Variants in SPATA3 observed in about 807,000 individuals in gnomAD.
SPATA3 encodes spermatogenesis-associated protein 3.
In SPATA3, 6 loss-of-function variants were observed where a neutral mutation model predicts 5.7. That is an observed-to-expected ratio of 1.06 (90% CI 0.58 to 2.09). The LOEUF (loss-of-function observed/expected upper bound fraction) is 2.09, where lower values mean the gene tolerates loss of function less well. Among genes scored for constraint, SPATA3 ranks in the 30% most tolerant of loss-of-function variants. The pLI is 0.00. For missense variants in SPATA3, 155 were observed against 130.4 expected (o/e 1.19, Z -0.92); for synonymous variants, 44 against 48.4 (o/e 0.91, Z 0.37).
downstream of SPATA3, among the ~76,000 whole-genome samples, chr2:231,005,531 AT>A: frequency 7.5e-6 from 1 of 133,568 alleles, no homozygotes. Flanking sequence ...CACCACCACC[AT>A]CATCACCACC....
At chr2:231,014,363 C>T (rs1692873379) in intron 6 of SPATA3, among the ~76,000 whole-genome samples, 1 of 152,304 alleles carries the variant, frequency 6.6e-6, no homozygotes, top group South Asian at 2.1e-4. Context: ...TGCTATGTTT[C>T]AGTTAGAGGA....
At chr2:231,000,477 T>C (rs1235556984) in exon 2 of SPATA3, 8 of 1,550,176 alleles carry the variant, frequency 5.2e-6, no homozygotes, top group Middle Eastern at 3.3e-4. Flanking sequence ...GATGTCCTTC[T>C]GCCTCGGGAC....
At chr2:230,998,361 G>A (rs1574655380) in intron 1 of SPATA3, among the ~76,000 whole-genome samples, 1 of 152,228 alleles carries the variant, frequency 6.6e-6, no homozygotes, top group Non-Finnish European at 1.5e-5. Flanking sequence ...GCCAGTGAGA[G>A]AAACATTTCT....
At chr2:230,999,318 CA>C (rs1692257943) in intron 1 of SPATA3, among the ~76,000 whole-genome samples, 1 of 151,868 alleles carries the variant, frequency 6.6e-6, no homozygotes, top group African/African-American at 2.4e-5. Context: ...GTGATGGCCA[CA>C]AAACTTTGTG....
chr2:230,996,624 G>A, intron 1 of SPATA3, 90 bp downstream of exon 1: 1 of 1,443,476 alleles, frequency 6.9e-7, no homozygotes, highest in Non-Finnish European at 9.3e-7. Context: ...GGATAGTGAT[G>A]CATGGTTAAC....
chr2:231,017,512 G>C (rs539086062), intron 6 of SPATA3, among the ~76,000 whole-genome samples: 19 of 152,332 alleles, frequency 1.2e-4, no homozygotes, highest in African/African-American at 4.3e-4. Flanking sequence ...ACTGGGCCCC[G>C]GGGAACTGGG....
chr2:231,002,720 G>A lies in SPATA3; in HGVS notation c.999G>A (p.Ala333=), dbSNP rs150171511. The A allele has an allele frequency of 1.5e-3, 2,221 of 1,530,846 alleles. 3 individuals are homozygous for A. The highest frequency in any genetic ancestry group is 2.5e-3 in the Middle Eastern group (15 of 5,930). 94.8% of individuals were successfully genotyped at this position (1,530,846 alleles called of 1,614,324 possible). The change falls in exon 3 of 3, where the codon GCG becomes GCA. Residue 333 remains alanine, a synonymous_variant. Transcript: ENST00000645363. ...GAAAACCCTCCAGTCATCGTAACGCGTGTCCTCCAAGCCCTCGGAACTGTG... is the reference window on the plus strand; with the variant it reads ...GAAAACCCTCCAGTCATCGTAACGCATGTCCTCCAAGCCCTCGGAACTGTG...
intron 1 of SPATA3, among the ~76,000 whole-genome samples, chr2:230,997,426 T>A (rs1042587582): frequency 6.6e-6 from 1 of 152,192 alleles, no homozygotes; most frequent in Admixed American, 6.5e-5. Context: ...TATGTCTTTA[T>A]CAGCAGTGTG....
downstream of SPATA3, among the ~76,000 whole-genome samples, chr2:231,005,546 A>C (rs1408528549): frequency 7.1e-6 from 1 of 139,862 alleles, no homozygotes; most frequent in Non-Finnish European, 1.6e-5. Context: ...CACCACCATC[A>C]TCACCACCAC....
chr2:230,996,659 A>G (rs1692135660), intron 1 of SPATA3, 125 bp downstream of exon 1: 1 of 1,277,788 alleles, frequency 7.8e-7, no homozygotes, highest in South Asian at 1.6e-5. Context: ...TGTGCTGTAG[A>G]GTGGGAAGGT....
chr2:230,996,718 T>C (rs1181331593), intron 1 of SPATA3, among the ~76,000 whole-genome samples, 184 bp downstream of exon 1: 1 of 152,222 alleles, frequency 6.6e-6, no homozygotes, highest in Non-Finnish European at 1.5e-5. Flanking sequence ...GGTTTTGTCA[T>C]TTCTCATCAT....
chr2:231,014,302 CT>C (rs1692872152), intron 6 of SPATA3: 2 of 152,258 alleles, frequency 1.3e-5, no homozygotes, highest in South Asian at 4.1e-4. Flanking sequence ...GATCATAAGC[CT>C]TTGTTTATAA....
In SPATA3 at chr2:231,002,568, G is replaced by A. The variant is rs1209043017; in HGVS notation, c.963-116G>A. 19 of 553,990 alleles carry A rather than the reference G, an allele frequency of 3.4e-5. No individual in the cohort carries two copies. In the East Asian group the frequency reaches 6.3e-4, roughly 19 times the overall value. 34.3% of individuals were successfully genotyped at this position (553,990 alleles called of 1,614,324 possible). Reference sequence around the variant, plus strand: ...TCTCCTAAGAGGAGTTTGGAGAGGGGGAAGATGGGTATTCCTGCAATCCTG... The same window carrying A: ...TCTCCTAAGAGGAGTTTGGAGAGGGAGAAGATGGGTATTCCTGCAATCCTG... On this transcript the variant is annotated intron_variant, in intron 2 of 2. Transcript: ENST00000645363.
At chr2:231,005,501 A>AC (rs1692578664), downstream of SPATA3, among the ~76,000 whole-genome samples, 1 of 144,678 alleles carries the variant, frequency 6.9e-6, no homozygotes, top group African/African-American at 2.6e-5. Context: ...CACCACCATC[A>AC]TCACCACCAC....
At chr2:231,018,541 C>T (rs1051809353) in intron 6 of SPATA3, among the ~76,000 whole-genome samples, 1 of 151,970 alleles carries the variant, frequency 6.6e-6, no homozygotes, top group Non-Finnish European at 1.5e-5. Context: ...CATTTGTGTG[C>T]CTTTTCTCTT....
At chr2:231,004,722 G>A (rs1037419114), downstream of SPATA3, among the ~76,000 whole-genome samples, 1 of 152,054 alleles carries the variant, frequency 6.6e-6, no homozygotes, top group African/African-American at 2.4e-5. Context: ...GAGGTCAGAG[G>A]CCTCTTCAAT....
At chr2:231,000,589 G>A (rs1692313844) in intron 2 of SPATA3, 52 bp downstream of exon 2, 9 of 1,421,346 alleles carry the variant, frequency 6.3e-6, no homozygotes, top group Non-Finnish European at 7.4e-6. Context: ...CCAGGGCCAG[G>A]CTCTGCCCCC....
At chr2:231,011,729 C>A (rs1197219521), downstream of SPATA3, among the ~76,000 whole-genome samples, 1 of 152,172 alleles carries the variant, frequency 6.6e-6, no homozygotes, top group Non-Finnish European at 1.5e-5. Flanking sequence ...TCAGGGGACA[C>A]CTGCCATGCA....
chr2:231,007,402 T>C (rs1470744981), downstream of SPATA3: 1 of 152,208 alleles, frequency 6.6e-6, no homozygotes, highest in Admixed American at 6.5e-5. Context: ...GCAGAACTGG[T>C]GCCTGTCATT....
Sources: gnomAD v4.1 joint callset for allele counts (sites outside exome capture counted in the v4.1 genomes callset) on GRCh38, gnomAD v4.1.1 for gene constraint, MANE v1.5 for transcripts, NCBI Gene and HGNC (gene_info 2026-07-23, HGNC 2026-07-21) for gene names.